Variants in RP1 observed in about 807,000 individuals in gnomAD.
RP1 encodes oxygen-regulated protein 1.
In RP1, 16 loss-of-function variants were observed where a neutral mutation model predicts 14.8. The ratio of observed to expected loss-of-function variants is 1.08; its 90% CI spans 0.73 to 1.65. The LOEUF (loss-of-function observed/expected upper bound fraction) is 1.65, where lower values mean the gene tolerates loss of function less well. Ranked by LOEUF, RP1 falls within the 40% of genes most tolerant of loss-of-function variation. The pLI, the probability that RP1 is intolerant of heterozygous loss-of-function variation, is 0.00. For synonymous variants in RP1, 876 were observed against 883.6 expected, an observed-to-expected ratio of 0.99 and a Z score of 0.15; for missense variants, 2,631 against 2,535.0, an observed-to-expected ratio of 1.04 and a Z score of -0.81.
In RP1 at chr8:54,625,085, G is replaced by A. The variant is rs755674201; in HGVS notation, c.1203G>A (p.Glu401=). 3.7e-6 allele frequency: 6 copies of A among 1,614,138 alleles called. No homozygotes were observed. Among genetic ancestry groups the A allele is most frequent in the African/African-American group, 1.3e-5 (1 of 75,042 alleles). Residue 401 remains glutamate, a synonymous_variant, in exon 4 of 4, where the codon GAG becomes GAA. Transcript: ENST00000220676. ...VSPMERSSNQ[E]GSLAEEINIQ... is the part of the protein sequence containing the mutation. ...CTATGGAGCGAAGCAGTAATCAAGA[G>A]GGCAGTTTGGCAGAGGAGATAAACA...
intron 3 of RP1, among the ~76,000 whole-genome samples, chr8:54,638,652 T>C (rs980356247): frequency 3.3e-5 from 5 of 152,124 alleles, no homozygotes; most frequent in Non-Finnish European, 7.4e-5. Context: ...CATCTGTTTA[T>C]TCTGGTATTC....
intron 1 of RP1, among the ~76,000 whole-genome samples, chr8:54,578,780 C>A (rs1459377168): frequency 6.6e-6 from 1 of 152,274 alleles, no homozygotes; most frequent in Admixed American, 6.5e-5. Flanking sequence ...CCGGGCTAAG[C>A]AAGGTACTTC....
chr8:54,803,555 T>C (rs941400123), intron 24 of RP1, among the ~76,000 whole-genome samples: 1 of 152,144 alleles, frequency 6.6e-6, no homozygotes, highest in Non-Finnish European at 1.5e-5. Context: ...CAGGGAACAA[T>C]GTTGTTGAAT....
At chr8:54,848,906 G>A (rs1434375124) in intron 25 of RP1, among the ~76,000 whole-genome samples, 12 of 152,076 alleles carry the variant, frequency 7.9e-5, no homozygotes, top group African/African-American at 1.2e-4. Flanking sequence ...CTGCCACCAC[G>A]CCCTGCGAAT....
intron 28 of RP1, among the ~76,000 whole-genome samples, chr8:54,867,763 A>G (rs1052429267): frequency 6.6e-6 from 1 of 152,164 alleles, no homozygotes; most frequent in African/African-American, 2.4e-5. Flanking sequence ...TAATTGACTA[A>G]GTTTTACTTT....
At chr8:54,699,992 C>A (rs190561311) in intron 13 of RP1, among the ~76,000 whole-genome samples, 234 of 152,176 alleles carry the variant, frequency 1.5e-3, no homozygotes, top group African/African-American at 5.5e-3. Flanking sequence ...CTTTAATGCA[C>A]TGTTTTAAGT....
chr8:54,698,942 A>G (rs1807942095), intron 12 of RP1, among the ~76,000 whole-genome samples: 1 of 152,150 alleles, frequency 6.6e-6, no homozygotes, highest in Non-Finnish European at 1.5e-5. Context: ...AATGTAAATG[A>G]TGAGTTGATG....
intron 24 of RP1, among the ~76,000 whole-genome samples, chr8:54,788,442 CCTT>C (rs1810380492): frequency 1.3e-5 from 2 of 152,158 alleles, no homozygotes; most frequent in South Asian, 4.2e-4. Context: ...TTGTCCTCTT[CCTT>C]CTTCATCTTC....
intron 19 of RP1, among the ~76,000 whole-genome samples, chr8:54,752,516 C>A (rs1429283293): frequency 6.6e-6 from 1 of 152,220 alleles, no homozygotes; most frequent in Admixed American, 6.5e-5. Context: ...ATAGACGTTA[C>A]AAATTTTTAT....
intron 26 of RP1, chr8:54,852,843 T>C (rs1027635436): frequency 1.3e-5 from 9 of 714,830 alleles, no homozygotes; most frequent in Admixed American, 4.3e-5. Context: ...CTGTGAGGAA[T>C]TCAGGGAGGT....
chr8:54,597,730 C>T (rs1295134384), intron 1 of RP1, among the ~76,000 whole-genome samples: 1 of 152,146 alleles, frequency 6.6e-6, no homozygotes, highest in African/African-American at 2.4e-5. Context: ...TAAACAATGC[C>T]AGACAAAAGA....
intron 24 of RP1, among the ~76,000 whole-genome samples, chr8:54,818,003 C>T (rs202209964): frequency 2.3e-5 from 2 of 87,936 alleles, no homozygotes; most frequent in South Asian, 8.6e-4. Flanking sequence ...AAAACTTGAC[C>T]AAATGAAATG....
intron 24 of RP1, among the ~76,000 whole-genome samples, chr8:54,825,071 G>T (rs1451699163): frequency 6.6e-6 from 1 of 151,948 alleles, no homozygotes; most frequent in Admixed American, 6.6e-5. Flanking sequence ...CCGGGTTCAC[G>T]CCATTCTCCT....
chr8:54,624,939 G>A lies in RP1; in HGVS notation c.1057G>A (p.Val353Ile). The A allele has an allele frequency of 6.2e-7, 1 of 1,614,130 alleles. No homozygotes were observed. The highest frequency in any genetic ancestry group is 1.3e-5 in the African/African-American group (1 of 75,046). Reference sequence around the variant, plus strand: ...AGAAACCATAAAATGGACAACTACTGTCAGTAAAACTGGTCCTTCTAATAA... The same window carrying A: ...AGAAACCATAAAATGGACAACTACTATCAGTAAAACTGGTCCTTCTAATAA... ...EEETIKWTTT[V>I]SKTGPSNNDE... Residue 353 changes from valine to isoleucine, a missense_variant, in exon 4 of 4, where the codon GTC (valine) becomes ATC (isoleucine). Transcript: ENST00000220676.
chr8:54,748,941 G>A (rs1809293284), intron 19 of RP1, among the ~76,000 whole-genome samples: 1 of 151,740 alleles, frequency 6.6e-6, no homozygotes, highest in Non-Finnish European at 1.5e-5. Context: ...TATATTCTTT[G>A]TGTTCTATCC....
At chr8:54,676,842 T>C (rs1394285768) in intron 8 of RP1, among the ~76,000 whole-genome samples, 2 of 152,146 alleles carry the variant, frequency 1.3e-5, no homozygotes. Context: ...TTCTTAAAAC[T>C]CATTTTAGAA....
intron 9 of RP1, among the ~76,000 whole-genome samples, chr8:54,678,998 G>C (rs1807361858): frequency 6.6e-6 from 1 of 151,808 alleles, no homozygotes; most frequent in African/African-American, 2.4e-5. Context: ...TGATAGATTT[G>C]CTTTTTTTTT....
In RP1 at chr8:54,739,165, A is replaced by G; in HGVS notation, c.2808+136A>G. On this transcript the variant is annotated intron_variant, in intron 19 of 22. Coordinates refer to the RP1 transcript ENST00000636932. ...CTTACAGTGGGGTTATGCCTCTGTAAACTCATGGTAAATAAAAAATATCCT... is the reference window on the plus strand; with the variant it reads ...CTTACAGTGGGGTTATGCCTCTGTAGACTCATGGTAAATAAAAAATATCCT... The G allele has an allele frequency of 4.2e-6, 2 of 475,632 alleles. 1 individual carries two copies. The highest frequency in any genetic ancestry group is 5.9e-4 in the Middle Eastern group (2 of 3,394). 29.5% of individuals were successfully genotyped at this position (475,632 alleles called of 1,614,324 possible). A position where few individuals can be genotyped will look rare whatever the true frequency, so the allele number is the denominator to read the frequency against.
intron 23 of RP1, among the ~76,000 whole-genome samples, chr8:54,779,574 A>G (rs1382686428): frequency 6.6e-6 from 1 of 152,246 alleles, no homozygotes. Context: ...CAGAATACAC[A>G]GAATAAGGTA....
Sources: gnomAD v4.1 joint callset for allele counts (sites outside exome capture counted in the v4.1 genomes callset) on GRCh38, gnomAD v4.1.1 for gene constraint, MANE v1.5 for transcripts, NCBI Gene and HGNC (gene_info 2026-07-23, HGNC 2026-07-21) for gene names.